The following PPARGC1B variants were observed in gnomAD, a reference collection of about 807,000 sequenced individuals.
PPARGC1B encodes peroxisome proliferator-activated receptor gamma coactivator 1-beta.
PPARGC1B carries 34 observed loss-of-function variants against 101.6 expected under a neutral mutation model. The ratio of observed to expected loss-of-function variants is 0.33; its 90% confidence interval spans 0.25 to 0.45. PPARGC1B has a LOEUF of 0.45. Among genes scored for constraint, PPARGC1B ranks in the 20% least tolerant of loss-of-function variants. PPARGC1B has a pLI of 1.00. For missense variants in PPARGC1B, 1,234 were observed against 1,317.6 expected (o/e 0.94, Z 0.98); for synonymous variants, 548 against 539.3 (o/e 1.02, Z -0.22).
At chr5:149,835,504 C>T (rs1036066194) in intron 7 of PPARGC1B, 139 bp downstream of exon 7, 12 of 719,032 alleles carry the variant, frequency 1.7e-5, no homozygotes, top group Non-Finnish European at 2.4e-5. Flanking sequence ...ATGTTATAGG[C>T]AGTCAAAAAG....
rs116617095 is a variant in PPARGC1B at position 149,771,104 on chromosome 5, G to T, written c.78+40684G>T. On this transcript the variant is annotated intron_variant, in intron 1 of 11. Coordinates refer to ENST00000309241, the MANE Select transcript of PPARGC1B (RefSeq NM_133263.4). ...GGGTGGCTGGTTTGTTGAGAGCAGG[G>T]TGAGCGTACAAATGGAGGCTCCCCG... Among the ~76,000 whole-genome samples the T allele has an allele frequency of 2.4e-3, 362 of 152,302 alleles. 2 individuals are homozygous for T. Among genetic ancestry groups the T allele is most frequent in the Middle Eastern group, 0.014 (4 of 294 alleles).
chr5:149,757,291 G>A (rs989911199), intron 1 of PPARGC1B, among the ~76,000 whole-genome samples: 2 of 151,366 alleles, frequency 1.3e-5, no homozygotes, highest in South Asian at 2.1e-4. Flanking sequence ...GTACACAAAC[G>A]ATTTGTGAAA....
At chr5:149,803,634 C>T (rs936357183) in intron 1 of PPARGC1B, among the ~76,000 whole-genome samples, 4 of 152,178 alleles carry the variant, frequency 2.6e-5, no homozygotes, top group South Asian at 2.1e-4. Flanking sequence ...TGATTTTCCC[C>T]CTTTCCTAGT....
At position 149,836,695 on chromosome 5, in the gene PPARGC1B, C is replaced by T; in HGVS notation, c.2240C>T (p.Ala747Val). Residue 747 changes from alanine (A) to valine (V), a missense_variant, in exon 8 of 12, where the codon GCC becomes GTC. Transcript: ENST00000309241. Reference sequence around the variant, plus strand: ...GAAGACAGAAGCTGTGATGCTGGCGCCCCACCCAAGGACAGCACGCTGCTG... The same window carrying T: ...GAAGACAGAAGCTGTGATGCTGGCGTCCCACCCAAGGACAGCACGCTGCTG... ...REEDRSCDAG[A>V]PPKDSTLLRD... The T allele has an allele frequency of 6.2e-7, 1 of 1,613,702 alleles. No individual in the cohort carries two copies. The highest frequency in any genetic ancestry group is 8.5e-7 in the Non-Finnish European group (1 of 1,180,004).
chr5:149,835,650 C>G lies in PPARGC1B; in HGVS notation c.1807+285C>G, dbSNP rs32575. 0.33 allele frequency among the ~76,000 whole-genome samples: 49,501 copies of G among 152,106 alleles called. 8,936 individuals are homozygous for G. Among genetic ancestry groups the G allele is most frequent in the African/African-American group, 0.48 (20,041 of 41,470 alleles). On this transcript the variant is annotated intron_variant, in intron 7 of 11. Coordinates refer to ENST00000309241, the MANE Select transcript of PPARGC1B (RefSeq NM_133263.4). ...GTTTTATCTGCGGTGCCTGCCCCCT[C>G]TCCGTCATGGGAAACACCAGAGGCA...
intron 1 of PPARGC1B, among the ~76,000 whole-genome samples, chr5:149,784,552 C>A (rs1251889158): frequency 7.9e-6 from 1 of 126,274 alleles, no homozygotes; most frequent in African/African-American, 2.8e-5. Context: ...CTCCAGCCAA[C>A]TGAGTTTCTT....
chr5:149,785,683 T>C (rs530351797), intron 1 of PPARGC1B, among the ~76,000 whole-genome samples: 24 of 152,212 alleles, frequency 1.6e-4, no homozygotes, highest in Non-Finnish European at 3.5e-4. Context: ...TCTGTTTTGG[T>C]TCCTGACGGT....
intron 1 of PPARGC1B, among the ~76,000 whole-genome samples, chr5:149,759,564 G>T (rs1256550544): frequency 2.6e-5 from 4 of 152,196 alleles, no homozygotes; most frequent in Admixed American, 1.3e-4. Context: ...TTCAGCAGCT[G>T]TTGACCCAAG....
chr5:149,855,853 G>T (rs566564533), downstream of PPARGC1B, among the ~76,000 whole-genome samples: 118 of 152,188 alleles, frequency 7.8e-4, no homozygotes, highest in African/African-American at 2.7e-3. Flanking sequence ...GCGGTGGCTC[G>T]CATCTGTAAT....
rs200990294 is a variant in PPARGC1B, at chr5:149,742,476, CA to C, written c.78+12060del. 4.6e-3 allele frequency among the ~76,000 whole-genome samples: 703 copies of C among 152,312 alleles called. 9 individuals carry two copies. Among genetic ancestry groups the C allele is most frequent in the African/African-American group, 0.015 (639 of 41,556 alleles). ...TTTCTGCCCTCCAGCCATCCCAAAACAAAACAGAAGGGCAGACTGGCTAAGG... is the reference window on the plus strand; with the variant it reads ...TTTCTGCCCTCCAGCCATCCCAAAACAAACAGAAGGGCAGACTGGCTAAGG... On this transcript the variant is annotated intron_variant, in intron 1 of 11. Transcript: ENST00000309241.
chr5:149,842,737 G>C (rs1003251358), intron 10 of PPARGC1B, among the ~76,000 whole-genome samples: 1 of 152,254 alleles, frequency 6.6e-6, no homozygotes, highest in Non-Finnish European at 1.5e-5. Flanking sequence ...CGGAGCCCAT[G>C]TGTCTGCTTC....
intron 2 of PPARGC1B, among the ~76,000 whole-genome samples, chr5:149,825,838 A>T (rs1287896478): frequency 6.6e-6 from 1 of 152,194 alleles, no homozygotes; most frequent in Non-Finnish European, 1.5e-5. Context: ...CACTGTCATC[A>T]TCATCATCGT....
intron 1 of PPARGC1B, among the ~76,000 whole-genome samples, chr5:149,791,282 A>T (rs1311770561): frequency 2.2e-5 from 3 of 133,778 alleles, no homozygotes; most frequent in Non-Finnish European, 3.2e-5. Flanking sequence ...ACAGAGAGAG[A>T]CTCCATCTCA....
At position 149,835,342 on chromosome 5, in the gene PPARGC1B, C is replaced by T. The variant is rs980987103; in HGVS notation, c.1784C>T (p.Thr595Ile). 2 of 1,614,226 alleles carry T rather than the reference C, an allele frequency of 1.2e-6. No individual in the cohort carries two copies. The highest frequency in any genetic ancestry group is 1.7e-6 in the Non-Finnish European group (2 of 1,180,024). Reference sequence around the variant, plus strand: ...AAGAAGAGCTTTGAGCAGACCTTGACAGTGGAGCTCTGTGGCACAGCAGGT... The same window carrying T: ...AAGAAGAGCTTTGAGCAGACCTTGATAGTGGAGCTCTGTGGCACAGCAGGT... ...FGKKSFEQTL[T>I]VELCGTAGLT... Residue 595 changes from threonine to isoleucine, a missense_variant, in exon 7 of 12, where the codon ACA (threonine) becomes ATA (isoleucine). Thr to Ile is a moderately conservative substitution (Grantham distance 89). This residue lies in a region of PPARGC1B where 734 missense variants were observed against 768.4 expected (regional missense o/e 0.96). Transcript: ENST00000309241.
chr5:149,767,887 A>G (rs528111923), intron 1 of PPARGC1B, among the ~76,000 whole-genome samples: 107 of 152,264 alleles, frequency 7.0e-4, no homozygotes, highest in African/African-American at 2.5e-3. Context: ...CAAGTGCATT[A>G]CATGTATTGT....
At position 149,832,279 on chromosome 5, in the gene PPARGC1B, G is replaced by T. The variant is rs1279961434; in HGVS notation, c.583-377G>T. On this transcript the variant is annotated intron_variant, in intron 4 of 11. Coordinates refer to ENST00000309241, the MANE Select transcript of PPARGC1B (RefSeq NM_133263.4). This position sits in a 1 kb window ranked among gnomAD's most constrained non-coding sequence, Gnocchi z 4.9. ...GGCCGAGATCGATGAATCCCCCAGT[G>T]CTCATTTGTAGCAAGTCCTTCCTAC... 1.3e-5 allele frequency among the ~76,000 whole-genome samples: 2 copies of T among 152,162 alleles called. No individual in the cohort carries two copies. Among genetic ancestry groups the T allele is most frequent in the Non-Finnish European group, 1.5e-5 (1 of 68,030 alleles).
chr5:149,793,516 A>G (rs1008068230), intron 1 of PPARGC1B, among the ~76,000 whole-genome samples: 2 of 152,170 alleles, frequency 1.3e-5, no homozygotes, highest in Non-Finnish European at 2.9e-5. Context: ...CTTCAGACAC[A>G]TCTCCAGCAG....
At chr5:149,746,721 T>C (rs146113356) in intron 1 of PPARGC1B, among the ~76,000 whole-genome samples, 2 of 152,302 alleles carry the variant, frequency 1.3e-5, no homozygotes, top group African/African-American at 2.4e-5. Flanking sequence ...CTACCAACAG[T>C]GCACAAGGGT....
At chr5:149,803,242 T>C (rs1757490330) in intron 1 of PPARGC1B, among the ~76,000 whole-genome samples, 1 of 152,208 alleles carries the variant, frequency 6.6e-6, no homozygotes, top group Non-Finnish European at 1.5e-5. Flanking sequence ...CAGTGTTCTC[T>C]ACTATTGCTT....
Sources: allele counts gnomAD v4.1 joint callset (sites outside exome capture counted in the v4.1 genomes callset), GRCh38; gene constraint gnomAD v4.1.1; regional missense constraint gnomAD v4.1.1; non-coding constraint Gnocchi (gnomAD v3.1); transcripts MANE v1.5; gene names NCBI Gene and HGNC (gene_info 2026-07-23, HGNC 2026-07-21).